Variants in LRRC7 observed in about 807,000 individuals in gnomAD.
LRRC7 encodes leucine-rich repeat-containing protein 7.
In LRRC7, 23 loss-of-function variants were observed where a neutral mutation model predicts 175.7. The observed-to-expected ratio is 0.13, with a 90% CI of 0.09 to 0.19. LRRC7 has a LOEUF of 0.19. Among genes scored for constraint, LRRC7 ranks in the 10% least tolerant of loss-of-function variants. LRRC7 has a pLI of 1.00. For synonymous variants in LRRC7, 685 were observed against 680.9 expected (o/e 1.01, Z -0.09); for missense variants, 1,354 against 1,904.7 (o/e 0.71, Z 5.38).
chr1:69,916,224 TAATATA>T (rs1646709233), intron 7 of LRRC7, among the ~76,000 whole-genome samples: 1 of 108,280 alleles, frequency 9.2e-6, no homozygotes, highest in African/African-American at 3.5e-5. Flanking sequence ...TTATTATGTA[TAATATA>T]AATATATTTT....
chr1:69,992,151 A>G (rs1262162430), intron 10 of LRRC7, among the ~76,000 whole-genome samples: 1 of 152,164 alleles, frequency 6.6e-6, no homozygotes, highest in Non-Finnish European at 1.5e-5. Flanking sequence ...AGTACCTGAC[A>G]TATAGTAAAC....
At chr1:70,035,479 A>C (rs1000573098) in intron 18 of LRRC7, among the ~76,000 whole-genome samples, 2 of 152,064 alleles carry the variant, frequency 1.3e-5, no homozygotes, top group Non-Finnish European at 2.9e-5. Context: ...GGTGTGAGAA[A>C]ACCAGGAACC....
intron 8 of LRRC7, among the ~76,000 whole-genome samples, chr1:69,934,494 C>CTGG (rs1491327780): frequency 4.3e-5 from 2 of 46,560 alleles, no homozygotes; most frequent in Non-Finnish European, 8.4e-5. Flanking sequence ...GATATTTTGG[C>CTGG]GGGGGGGGGG....
chr1:69,944,277 TCATCC>T (rs1649065897), intron 8 of LRRC7, among the ~76,000 whole-genome samples: 1 of 152,152 alleles, frequency 6.6e-6, no homozygotes, highest in Non-Finnish European at 1.5e-5. Flanking sequence ...TCTCCAAGGT[TCATCC>T]ATGTTTCTAC....
Position 69,775,366 on chromosome 1 carries a change from GTTATAC to G in LRRC7, c.303+14975_303+14980del, listed in dbSNP as rs1672699258. Among the ~76,000 whole-genome samples, 6 of 152,232 alleles carry G rather than the reference GTTATAC, an allele frequency of 3.9e-5. No individual in the cohort carries two copies. In the South Asian group the frequency reaches 1.2e-3, roughly 32 times the overall value. ...TTATTAGTATATGACTTGACAGTTT[GTTATAC>G]TCTAGAGAATTAATCCCCTGTCAAC... On this transcript the variant is annotated intron_variant, in intron 3 of 26. Transcript: ENST00000651989.
intron 4 of LRRC7, among the ~76,000 whole-genome samples, chr1:69,803,863 A>G (rs1280403858): frequency 1.3e-5 from 2 of 151,314 alleles, no homozygotes; most frequent in Non-Finnish European, 1.5e-5. Context: ...TCTCCATTAC[A>G]TTCCTAACAT....
At chr1:69,730,452 G>A (rs1462366091) in intron 2 of LRRC7, among the ~76,000 whole-genome samples, 1 of 152,030 alleles carries the variant, frequency 6.6e-6, no homozygotes, top group Admixed American at 6.6e-5. Flanking sequence ...AGATCTCAAG[G>A]GCAGGGACAA....
At chr1:69,911,742 G>A (rs1442724119) in intron 7 of LRRC7, among the ~76,000 whole-genome samples, 1 of 152,108 alleles carries the variant, frequency 6.6e-6, no homozygotes, top group Non-Finnish European at 1.5e-5. Flanking sequence ...AGTTGCATGG[G>A]AAATAGCCAT....
chr1:69,952,652 A>G (rs1170265921), intron 8 of LRRC7, among the ~76,000 whole-genome samples: 6 of 152,076 alleles, frequency 3.9e-5, no homozygotes, highest in Non-Finnish European at 8.8e-5. Context: ...TGTGGAGAAA[A>G]TGAAAAAGAA....
chr1:69,917,513 T>TTCTGACAATCAGTAAAGAGAGGAGACA (rs1255059142), intron 7 of LRRC7, among the ~76,000 whole-genome samples: 3 of 152,082 alleles, frequency 2.0e-5, no homozygotes, highest in African/African-American at 7.2e-5. Flanking sequence ...ATGCTTACTT[T>TTCTGACAATCAGTAAAGAGAGGAGACA]TCTGACAATC....
intron 18 of LRRC7, among the ~76,000 whole-genome samples, chr1:70,034,728 T>G (rs1659126760): frequency 6.6e-6 from 1 of 152,218 alleles, no homozygotes; most frequent in South Asian, 2.1e-4. Flanking sequence ...AAGCTGAGTC[T>G]CAGAACCCGC....
At chr1:69,781,588 A>C (rs1673494717) in intron 3 of LRRC7, among the ~76,000 whole-genome samples, 1 of 150,414 alleles carries the variant, frequency 6.6e-6, no homozygotes, top group Non-Finnish European at 1.5e-5. Context: ...AGGCTGAGGC[A>C]GGAGAATCGC....
intron 1 of LRRC7, among the ~76,000 whole-genome samples, chr1:69,630,284 TCC>T (rs1351644496): frequency 2.0e-5 from 3 of 152,176 alleles, no homozygotes; most frequent in Admixed American, 2.0e-4. Context: ...GTTGCCCACT[TCC>T]CTATTGGTGG....
intron 1 of LRRC7, among the ~76,000 whole-genome samples, chr1:69,602,436 T>G (rs1488478635): frequency 6.6e-6 from 1 of 151,516 alleles, no homozygotes; most frequent in Non-Finnish European, 1.5e-5. Flanking sequence ...GATAATATTT[T>G]ATTATTTTAC....
intron 26 of LRRC7, among the ~76,000 whole-genome samples, chr1:70,113,040 C>T (rs752449875): frequency 6.6e-6 from 1 of 151,906 alleles, no homozygotes; most frequent in Non-Finnish European, 1.5e-5. Flanking sequence ...CTCAGGATGG[C>T]GATAGGGGGA....
chr1:69,880,628 G>C (rs905179978), intron 7 of LRRC7, among the ~76,000 whole-genome samples: 1 of 152,076 alleles, frequency 6.6e-6, no homozygotes, highest in African/African-American at 2.4e-5. Flanking sequence ...AGGGAGACCA[G>C]CTGCTGTAAT....
rs1188355896 is a variant in LRRC7, at chr1:70,129,648, C to A, written c.*7761C>A. On this transcript the variant is annotated 3_prime_UTR_variant, in exon 27 of 27. Transcript: ENST00000651989. ...TGTCCAATGTTAGAATGACCCACTC[C>A]GAAATGCAAGGAGTTGAACAATCAT... Among the ~76,000 whole-genome samples the A allele has an allele frequency of 1.3e-5, 2 of 152,128 alleles. 1 individual carries two copies. Among genetic ancestry groups the A allele is most frequent in the South Asian group, 4.1e-4 (2 of 4,828 alleles).
chr1:70,023,598 A>G (rs538121753), intron 17 of LRRC7, among the ~76,000 whole-genome samples: 1 of 151,316 alleles, frequency 6.6e-6, no homozygotes, highest in African/African-American at 2.4e-5. Context: ...TGAGGTGCCT[A>G]TTGGTGGGAT....
In LRRC7 at chr1:69,915,534, C is replaced by T. The variant is rs114565218; in HGVS notation, c.648-15973C>T. On this transcript the variant is annotated intron_variant, in intron 7 of 26. Coordinates refer to ENST00000651989, the MANE Select transcript of LRRC7 (RefSeq NM_001370785.2). ...AGAAAAAGTTCCTTGGTTACATAAA[C>T]AGGAAGTAGTTTAAACTATTTCCAT... Among the ~76,000 whole-genome samples, 676 of 152,188 alleles carry T rather than the reference C, an allele frequency of 4.4e-3. 5 individuals are homozygous for T. Among genetic ancestry groups the T allele is most frequent in the African/African-American group, 0.015 (606 of 41,532 alleles).
Sources: gnomAD v4.1 joint callset for allele counts (sites outside exome capture counted in the v4.1 genomes callset) on GRCh38, gnomAD v4.1.1 for gene constraint, MANE v1.5 for transcripts, NCBI Gene and HGNC (gene_info 2026-07-23, HGNC 2026-07-21) for gene names.